Variants in ZMAT4 observed in about 807,000 individuals in gnomAD.
The protein encoded by ZMAT4 is zinc finger matrin-type protein 4.
In ZMAT4, 17 loss-of-function variants were observed where a neutral mutation model predicts 28.7. The observed-to-expected ratio is 0.59, with a 90% CI of 0.41 to 0.89. The LOEUF is 0.89. Among genes scored for constraint, ZMAT4 ranks in the 40% least tolerant of loss-of-function variants. The pLI is 0.00. For missense variants in ZMAT4, 240 were observed against 283.8 expected (o/e 0.85, Z 1.11); for synonymous variants, 117 against 109.2 (o/e 1.07, Z -0.44).
intron 1 of ZMAT4, chr8:40,884,473 T>A (rs1478744585): frequency 2.0e-5 from 3 of 152,114 alleles, no homozygotes; most frequent in Admixed American, 1.3e-4. Context: ...CATGAAGCTG[T>A]TTGCATGCAC....
intron 4 of ZMAT4, among the ~76,000 whole-genome samples, chr8:40,680,159 G>A (rs536066935): frequency 1.1e-4 from 16 of 152,250 alleles, no homozygotes; most frequent in Admixed American, 8.5e-4. Context: ...ATTTTCTGGG[G>A]TGGCCTATAT....
intron 5 of ZMAT4, among the ~76,000 whole-genome samples, chr8:40,619,016 A>C (rs1806111636): frequency 6.6e-6 from 1 of 152,332 alleles, no homozygotes; most frequent in South Asian, 2.1e-4. Flanking sequence ...TAAAGGAGTT[A>C]ATGTTTTGGA....
intron 6 of ZMAT4, among the ~76,000 whole-genome samples, chr8:40,554,765 T>A (rs1181618662): frequency 1.3e-5 from 2 of 152,182 alleles, no homozygotes; most frequent in Non-Finnish European, 2.9e-5. Context: ...CCAGCATATT[T>A]GGGATATCTA....
intron 2 of ZMAT4, among the ~76,000 whole-genome samples, chr8:40,804,249 G>C (rs1321316376): frequency 1.3e-5 from 2 of 152,180 alleles, no homozygotes; most frequent in Non-Finnish European, 2.9e-5. Context: ...TGATAATGAT[G>C]TAAGTCAATG....
chr8:40,709,668 C>T (rs889470215), intron 3 of ZMAT4, among the ~76,000 whole-genome samples: 14 of 152,220 alleles, frequency 9.2e-5, no homozygotes, highest in Non-Finnish European at 1.6e-4. Context: ...TTCTCATGAG[C>T]TGTCTCTGAT....
intron 5 of ZMAT4, among the ~76,000 whole-genome samples, chr8:40,664,646 C>T (rs948426806): frequency 6.6e-6 from 1 of 152,128 alleles, no homozygotes. Flanking sequence ...TATGAAGAAC[C>T]TCAAGGCAGA....
At chr8:40,804,517 G>T (rs973728943) in intron 2 of ZMAT4, among the ~76,000 whole-genome samples, 1 of 152,086 alleles carries the variant, frequency 6.6e-6, no homozygotes, top group African/African-American at 2.4e-5. Flanking sequence ...GACTGACTTT[G>T]GAGATTATTG....
chr8:40,797,750 C>T (rs933005174), intron 2 of ZMAT4, among the ~76,000 whole-genome samples: 4 of 152,142 alleles, frequency 2.6e-5, no homozygotes, highest in African/African-American at 9.7e-5. Flanking sequence ...GAAATGTTGC[C>T]ACCAGTAAGC....
intron 6 of ZMAT4, among the ~76,000 whole-genome samples, chr8:40,547,146 C>G (rs1387637624): frequency 1.3e-5 from 2 of 152,226 alleles, no homozygotes; most frequent in Non-Finnish European, 2.9e-5. Flanking sequence ...AAATGGAACT[C>G]TTAGCGGGCT....
chr8:40,601,481 G>GAAAGAAA lies in ZMAT4; in HGVS notation c.578-20227_578-20221dup, dbSNP rs1554525385. 4.3e-3 allele frequency among the ~76,000 whole-genome samples: 494 copies of GAAAGAAA among 115,056 alleles called. 55 individuals carry two copies. The highest frequency in any genetic ancestry group is 0.011 in the African/African-American group (342 of 32,550). 75.5% of individuals were successfully genotyped at this position (115,056 alleles called of 152,430 possible). ...GGGAGGAAGAAAGGAAAGAAAGAAA[G>GAAAGAAA]AAAGAAAGAAAGAGAGAAAGAAAGA... On this transcript the variant is annotated intron_variant, in intron 5 of 6. Transcript: ENST00000297737.
chr8:40,755,816 T>A (rs1054454165), intron 3 of ZMAT4, among the ~76,000 whole-genome samples: 12 of 152,254 alleles, frequency 7.9e-5, no homozygotes, highest in African/African-American at 2.9e-4. Flanking sequence ...TTTCAAACAT[T>A]AAAAATTTTT....
At chr8:40,859,423 TC>T (rs1229611714) in intron 1 of ZMAT4, among the ~76,000 whole-genome samples, 1 of 151,694 alleles carries the variant, frequency 6.6e-6, no homozygotes. Flanking sequence ...TCCCTCAAAA[TC>T]CCTGCCGGTG....
intron 5 of ZMAT4, among the ~76,000 whole-genome samples, chr8:40,582,908 C>T (rs752044325): frequency 2.6e-5 from 4 of 152,194 alleles, no homozygotes; most frequent in Admixed American, 6.5e-5. Context: ...AAGTCCTAGA[C>T]ACAGATGATA....
intron 3 of ZMAT4, among the ~76,000 whole-genome samples, chr8:40,709,955 G>A (rs559949604): frequency 2.6e-5 from 4 of 151,192 alleles, no homozygotes; most frequent in South Asian, 4.2e-4. Flanking sequence ...GGAGAATCTC[G>A]TGAACCCCGG....
intron 2 of ZMAT4, among the ~76,000 whole-genome samples, chr8:40,803,777 A>G (rs956562709): frequency 1.3e-4 from 20 of 152,218 alleles, no homozygotes; most frequent in African/African-American, 4.1e-4. Context: ...AAGCCTGCAC[A>G]CGAATATTTA....
intron 3 of ZMAT4, among the ~76,000 whole-genome samples, chr8:40,724,687 TA>T (rs1343053335): frequency 2.6e-5 from 4 of 152,116 alleles, no homozygotes; most frequent in Non-Finnish European, 4.4e-5. Flanking sequence ...GAAGAGACAA[TA>T]ACTTTCCCTA....
At chr8:40,782,115 C>T (rs555389261) in intron 2 of ZMAT4, among the ~76,000 whole-genome samples, 21 of 152,174 alleles carry the variant, frequency 1.4e-4, no homozygotes, top group South Asian at 1.0e-3. Flanking sequence ...TCAAAGACAC[C>T]GGTGGCTCAC....
At chr8:40,719,141 T>C (rs1585933278) in intron 3 of ZMAT4, among the ~76,000 whole-genome samples, 1 of 152,132 alleles carries the variant, frequency 6.6e-6, no homozygotes, top group Non-Finnish European at 1.5e-5. Context: ...AGTTGACATA[T>C]GAGTTGTTAA....
intron 3 of ZMAT4, among the ~76,000 whole-genome samples, chr8:40,764,291 A>T (rs956559807): frequency 6.6e-6 from 1 of 152,240 alleles, no homozygotes; most frequent in African/African-American, 2.4e-5. Flanking sequence ...CCGAGTAAGG[A>T]TTCTAAAGAT....
Sources: allele counts gnomAD v4.1 joint callset (sites outside exome capture counted in the v4.1 genomes callset), GRCh38; gene constraint gnomAD v4.1.1; transcripts MANE v1.5; gene names NCBI Gene and HGNC (gene_info 2026-07-23, HGNC 2026-07-21).